PSD3: variants seen among roughly 807,000 people sequenced by gnomAD.
PSD3 encodes the protein PH and SEC7 domain-containing protein 3.
A neutral mutation model predicts 105.5 loss-of-function variants in PSD3; 49 were observed. That is an observed-to-expected ratio of 0.46 (90% CI 0.37 to 0.59). The LOEUF (loss-of-function observed/expected upper bound fraction) is 0.59, where lower values mean the gene tolerates loss of function less well. Ranked by LOEUF, PSD3 falls within the 20% of genes least tolerant of loss-of-function variation. The pLI is 0.00. For missense variants in PSD3, 1,561 were observed against 1,263.8 expected, an observed-to-expected ratio of 1.24 and a Z score of -3.57; for synonymous variants, 557 against 457.8, an observed-to-expected ratio of 1.22 and a Z score of -2.77.
chr8:18,812,843 G>A (rs1492282), intron 4 of PSD3, among the ~76,000 whole-genome samples: 2,082 of 152,226 alleles, frequency 0.014, 29 homozygotes, highest in Middle Eastern at 0.034. Context: ...TTCTGTTTAA[G>A]GACCAAGATG....
At chr8:18,648,807 C>T (rs1024903196) in intron 10 of PSD3, among the ~76,000 whole-genome samples, 1 of 152,228 alleles carries the variant, frequency 6.6e-6, no homozygotes, top group African/African-American at 2.4e-5. Flanking sequence ...TCCCTGCATC[C>T]CAGCCACTCT....
At chr8:18,616,870 G>A (rs567995096) in intron 11 of PSD3, among the ~76,000 whole-genome samples, 4 of 151,736 alleles carry the variant, frequency 2.6e-5, no homozygotes, top group Non-Finnish European at 5.9e-5. Flanking sequence ...TGATCCGCCC[G>A]CCTCGGCCTC....
intron 4 of PSD3, among the ~76,000 whole-genome samples, chr8:18,812,470 G>C (rs1246590577): frequency 2.0e-5 from 3 of 152,152 alleles, no homozygotes; most frequent in Non-Finnish European, 4.4e-5. Flanking sequence ...AAATAGACTG[G>C]AGAAGCAGGG....
chr8:18,616,663 G>T (rs112684782), intron 11 of PSD3, among the ~76,000 whole-genome samples: 1 of 126,580 alleles, frequency 7.9e-6, no homozygotes, highest in Non-Finnish European at 1.6e-5. Context: ...TCGCTCTGTC[G>T]CCCAGGCTGG....
At chr8:18,994,480 T>C (rs753687244) in intron 1 of PSD3, among the ~76,000 whole-genome samples, 31 of 152,102 alleles carry the variant, frequency 2.0e-4, no homozygotes, top group Non-Finnish European at 2.9e-4. Flanking sequence ...GTGCTTGTCA[T>C]ACCTGCAGCT....
chr8:18,953,099 A>T (rs1185785106), intron 1 of PSD3, among the ~76,000 whole-genome samples: 2 of 152,204 alleles, frequency 1.3e-5, no homozygotes, highest in African/African-American at 4.8e-5. Context: ...CAAATGGCGA[A>T]TACACATTAA....
chr8:19,025,341 C>T (rs1002197305), intron 1 of PSD3, among the ~76,000 whole-genome samples: 21 of 152,090 alleles, frequency 1.4e-4, no homozygotes, highest in African/African-American at 5.1e-4. Context: ...TTAAAGAAAC[C>T]CATAAAGGTA....
At chr8:18,890,480 T>C (rs1818718138) in intron 2 of PSD3, among the ~76,000 whole-genome samples, 1 of 152,084 alleles carries the variant, frequency 6.6e-6, no homozygotes, top group Admixed American at 6.5e-5. Context: ...AGCCAAAACC[T>C]GTCAATAATG....
chr8:18,766,126 G>C (rs1806977599), intron 8 of PSD3, among the ~76,000 whole-genome samples: 2 of 152,150 alleles, frequency 1.3e-5, no homozygotes, highest in South Asian at 2.1e-4. Context: ...TTGAGGTCAA[G>C]AGTTTGAGAC....
intron 12 of PSD3, among the ~76,000 whole-genome samples, chr8:18,590,063 A>C (rs1170701648): frequency 6.6e-6 from 1 of 152,234 alleles, no homozygotes; most frequent in Admixed American, 6.5e-5. Context: ...CAACAACAAT[A>C]AAAAAGCAAA....
At chr8:19,022,188 A>G (rs1827385270) in intron 1 of PSD3, among the ~76,000 whole-genome samples, 2 of 152,176 alleles carry the variant, frequency 1.3e-5, no homozygotes, top group Admixed American at 6.5e-5. Context: ...GTGCTAAGCC[A>G]TCCATGAGGG....
chr8:18,786,932 G>C (rs958364466), intron 8 of PSD3: 1 of 152,148 alleles, frequency 6.6e-6, no homozygotes, highest in Non-Finnish European at 1.5e-5. Context: ...TTCCACTCAG[G>C]CGTTTATACC....
intron 1 of PSD3, among the ~76,000 whole-genome samples, chr8:19,019,809 G>T (rs968600974): frequency 6.6e-6 from 1 of 152,142 alleles, no homozygotes; most frequent in Non-Finnish European, 1.5e-5. Context: ...TGAATGCTGA[G>T]TGTATGCTGG....
intron 1 of PSD3, among the ~76,000 whole-genome samples, chr8:19,004,275 T>A (rs1187745684): frequency 6.6e-6 from 1 of 152,060 alleles, no homozygotes; most frequent in African/African-American, 2.4e-5. Flanking sequence ...CAGAGCTTTG[T>A]GGTCCCTCTC....
intron 8 of PSD3, among the ~76,000 whole-genome samples, chr8:18,780,189 CT>C (rs752566890): frequency 6.6e-6 from 1 of 152,120 alleles, no homozygotes; most frequent in African/African-American, 2.4e-5. Flanking sequence ...TTCTTTGCCG[CT>C]TTTTGGCTTA....
intron 2 of PSD3, among the ~76,000 whole-genome samples, chr8:18,887,560 G>A (rs993382525): frequency 1.3e-5 from 2 of 152,146 alleles, no homozygotes; most frequent in Non-Finnish European, 2.9e-5. Flanking sequence ...AGTGAAGTGA[G>A]GTGGAAAGTA....
intron 9 of PSD3, among the ~76,000 whole-genome samples, chr8:18,730,522 C>T (rs1046838196): frequency 2.0e-5 from 3 of 152,144 alleles, no homozygotes; most frequent in African/African-American, 7.2e-5. Context: ...CCCTTAGTAC[C>T]TCTGAGGAAA....
chr8:18,575,503 A>AT (rs949886768), intron 12 of PSD3, among the ~76,000 whole-genome samples: 61 of 152,264 alleles, frequency 4.0e-4, no homozygotes, highest in African/African-American at 1.5e-3. Flanking sequence ...TACCCAAGGC[A>AT]TTTTTTTAAA....
intron 12 of PSD3, among the ~76,000 whole-genome samples, chr8:18,580,586 CACAA>C (rs1345151584): frequency 1.3e-5 from 2 of 151,904 alleles, no homozygotes; most frequent in Non-Finnish European, 2.9e-5. Context: ...CAAAACAAAA[CACAA>C]ACAAACAAAA....
Sources: gnomAD v4.1 joint callset for allele counts (sites outside exome capture counted in the v4.1 genomes callset) on GRCh38, gnomAD v4.1.1 for gene constraint, MANE v1.5 for transcripts, NCBI Gene and HGNC (gene_info 2026-07-23, HGNC 2026-07-21) for gene names.